EPB41L3: variants seen among roughly 807,000 people sequenced by gnomAD.
EPB41L3 encodes band 4.1-like protein 3.
In EPB41L3, 57 loss-of-function variants were observed where a neutral mutation model predicts 127.1. That is an observed-to-expected ratio of 0.45 (90% CI 0.36 to 0.56). The LOEUF (loss-of-function observed/expected upper bound fraction) is 0.56. Among genes scored for constraint, EPB41L3 ranks in the 20% least tolerant of loss-of-function variants. The pLI, the probability that EPB41L3 is intolerant of heterozygous loss-of-function variation, is 0.00. For synonymous variants in EPB41L3, 572 were observed against 549.5 expected (o/e 1.04, Z -0.57); for missense variants, 1,273 against 1,372.2 (o/e 0.93, Z 1.14).
chr18:5,507,688 G>T (rs571909262), intron 1 of EPB41L3, among the ~76,000 whole-genome samples: 1 of 152,206 alleles, frequency 6.6e-6, no homozygotes, highest in East Asian at 1.9e-4. Flanking sequence ...AACCAGTAGA[G>T]CTATTCCTTT....
In EPB41L3 at chr18:5,543,780, A is replaced by T; in HGVS notation, c.-12+133T>A. 1 of 707,358 alleles carries T rather than the reference A, an allele frequency of 1.4e-6. No homozygotes were observed. Among genetic ancestry groups the T allele is most frequent in the Non-Finnish European group, 1.7e-6 (1 of 578,790 alleles). 43.8% of individuals were successfully genotyped at this position (707,358 alleles called of 1,614,324 possible). A position where few individuals can be genotyped will look rare whatever the true frequency, so the allele number is the denominator to read the frequency against. The stretch of plus-strand genomic sequence containing the variant: ...GGGCGCGGGGCTCGGGATTCGGGAG[A>T]CCGCGCGGCGCCGAAGCCACGCGTC... On this transcript the variant is annotated intron_variant, in intron 1 of 22. Coordinates refer to ENST00000341928, the MANE Select transcript of EPB41L3 (RefSeq NM_012307.5). This position sits in a 1 kb window ranked among gnomAD's most constrained non-coding sequence, Gnocchi z 5.2.
chr18:5,502,771 G>A (rs2091854745), intron 1 of EPB41L3, among the ~76,000 whole-genome samples: 1 of 152,196 alleles, frequency 6.6e-6, no homozygotes, highest in African/African-American at 2.4e-5. Context: ...AGCTTCCTGG[G>A]CCCCCACTTG....
At chr18:5,548,777 C>G (rs1398414365), upstream of EPB41L3, among the ~76,000 whole-genome samples, 1 of 152,090 alleles carries the variant, frequency 6.6e-6, no homozygotes, top group African/African-American at 2.4e-5. Context: ...AGAATGTTTT[C>G]TATTTAGGAT....
Position 5,543,887 on chromosome 18 carries a change from C to T in EPB41L3, c.-12+26G>A, listed in dbSNP as rs2093824869. The T allele has an allele frequency of 9.1e-6, 9 of 985,496 alleles. No homozygotes were observed. Among genetic ancestry groups the T allele is most frequent in the Admixed American group, 6.2e-5 (1 of 16,242 alleles). 61.0% of individuals were successfully genotyped at this position (985,496 alleles called of 1,614,324 possible). On this transcript the variant is annotated intron_variant, in intron 1 of 22. Coordinates refer to ENST00000341928, the MANE Select transcript of EPB41L3 (RefSeq NM_012307.5). The surrounding 1 kb of genome is among the most constrained non-coding windows in gnomAD (Gnocchi z 5.2). ...TAAAGCCGAGACCCCCTCGCAGTCC[C>T]CCACTCCGAGAGGCGGAAAAGTTAC...
intron 8 of EPB41L3, among the ~76,000 whole-genome samples, chr18:5,430,605 C>A (rs1243863400): frequency 2.0e-5 from 3 of 151,040 alleles, no homozygotes; most frequent in African/African-American, 7.3e-5. Context: ...CTCTGTTGCC[C>A]AGGATGGAGC....
At chr18:5,627,621 T>TA (rs2094936377) in intron 1 of EPB41L3, among the ~76,000 whole-genome samples, 1 of 152,196 alleles carries the variant, frequency 6.6e-6, no homozygotes, top group African/African-American at 2.4e-5. Flanking sequence ...ATGATTGACC[T>TA]AAAAATTATT....
intron 3 of EPB41L3, among the ~76,000 whole-genome samples, chr18:5,565,103 T>C (rs2094180918): frequency 6.6e-6 from 1 of 152,056 alleles, no homozygotes; most frequent in African/African-American, 2.4e-5. Flanking sequence ...TTGAAGAGAC[T>C]CAGGGTTTTT....
chr18:5,468,535 T>C (rs1200925133), intron 3 of EPB41L3, among the ~76,000 whole-genome samples: 2 of 152,204 alleles, frequency 1.3e-5, no homozygotes, highest in African/African-American at 4.8e-5. Context: ...GGACAGGAGC[T>C]GCCCATGGCA....
chr18:5,476,397 G>C (rs1163665639), intron 3 of EPB41L3, among the ~76,000 whole-genome samples: 5 of 152,092 alleles, frequency 3.3e-5, no homozygotes, highest in Non-Finnish European at 5.9e-5. Flanking sequence ...TAAAAGAAAG[G>C]TAAGTAAAAA....
At chr18:5,477,541 G>A (rs2087486708) in intron 3 of EPB41L3, among the ~76,000 whole-genome samples, 1 of 152,148 alleles carries the variant, frequency 6.6e-6, no homozygotes, top group Non-Finnish European at 1.5e-5. Context: ...TGCTCATAGA[G>A]CCTGAATTCA....
rs2143768376 is a variant in EPB41L3 at position 5,397,104 on chromosome 18, G to T, written c.2795C>A (p.Ala932Glu). 1.2e-6 allele frequency: 2 copies of T among 1,613,628 alleles called. No homozygotes were observed. The highest frequency in any genetic ancestry group is 8.5e-7 in the Non-Finnish European group (1 of 1,179,836). The change falls in exon 18 of 23, where the codon GCA becomes GAA. Residue 932 changes from alanine (A) to glutamate (E), a missense_variant. Physicochemically the swap from Ala to Glu is moderately radical, Grantham distance 107. This residue lies in a region of EPB41L3 where 765 missense variants were observed against 782.9 expected (regional missense o/e 0.98). Transcript: ENST00000341928. This position sits in a 1 kb window ranked among gnomAD's most constrained non-coding sequence, Gnocchi z 4.1. Reference protein sequence around the residue: ...ASRERQEEQSAAIHISETLEQ... With the variant: ...ASRERQEEQSEAIHISETLEQ... ...CAAAGTTTCTGAAATGTGGATGGCT[G>T]CACTCTGCTCCTCTTGTCGCTCACG...
intron 1 of EPB41L3, among the ~76,000 whole-genome samples, chr18:5,527,986 T>C (rs762759692): frequency 6.7e-5 from 10 of 149,202 alleles, no homozygotes; most frequent in Admixed American, 1.3e-4. Context: ...AGTATACTAT[T>C]TTAAAAAATA....
chr18:5,419,614 T>C (rs2077222575), intron 12 of EPB41L3, 97 bp downstream of exon 12: 5 of 1,511,686 alleles, frequency 3.3e-6, no homozygotes, highest in Middle Eastern at 2.4e-4. Flanking sequence ...ATATGATTTA[T>C]CCTAAATCTG....
chr18:5,535,686 A>C (rs1168997583), intron 1 of EPB41L3, among the ~76,000 whole-genome samples: 1 of 152,196 alleles, frequency 6.6e-6, no homozygotes, highest in African/African-American at 2.4e-5. Context: ...AGCTAGCACC[A>C]CCTTCAGGAT....
intron 3 of EPB41L3, among the ~76,000 whole-genome samples, chr18:5,595,283 C>A (rs1388936317): frequency 6.6e-6 from 1 of 152,068 alleles, no homozygotes; most frequent in Non-Finnish European, 1.5e-5. Context: ...GGAAAGATTC[C>A]ACTTCATCTC....
chr18:5,423,058 T>C (rs762540080), intron 11 of EPB41L3, among the ~76,000 whole-genome samples: 20 of 152,174 alleles, frequency 1.3e-4, no homozygotes, highest in Middle Eastern at 3.2e-3. Flanking sequence ...GAGAATCAAA[T>C]CACAGAGTAT....
intron 14 of EPB41L3, among the ~76,000 whole-genome samples, chr18:5,408,326 T>G (rs1598552513): frequency 6.7e-6 from 1 of 148,668 alleles, no homozygotes; most frequent in Non-Finnish European, 1.5e-5. Context: ...CAGGCTGGAG[T>G]GCAATGGCGT....
chr18:5,540,880 C>G (rs1266016309), intron 1 of EPB41L3, among the ~76,000 whole-genome samples: 1 of 151,896 alleles, frequency 6.6e-6, no homozygotes, highest in Non-Finnish European at 1.5e-5. Context: ...GTCAGGAGAT[C>G]GAGACCATCC....
At chr18:5,421,166 A>G (rs1348685279) in intron 11 of EPB41L3, among the ~76,000 whole-genome samples, 1 of 152,208 alleles carries the variant, frequency 6.6e-6, no homozygotes, top group Non-Finnish European at 1.5e-5. Context: ...AAGAGACAGC[A>G]TGACATTAGT....
Sources: allele counts gnomAD v4.1 joint callset (sites outside exome capture counted in the v4.1 genomes callset), GRCh38; gene constraint gnomAD v4.1.1; regional missense constraint gnomAD v4.1.1; non-coding constraint Gnocchi (gnomAD v3.1); transcripts MANE v1.5; gene names NCBI Gene and HGNC (gene_info 2026-07-23, HGNC 2026-07-21).